The following GALNT2 variants were observed in gnomAD, a reference collection of about 807,000 sequenced individuals.
GALNT2 encodes UDP-GalNAc:polypeptide N-acetylgalactosaminyltransferase 2.
GALNT2 carries 31 observed loss-of-function variants against 81.4 expected under a neutral mutation model. The ratio of observed to expected loss-of-function variants is 0.38; its 90% CI spans 0.29 to 0.51. GALNT2 has a LOEUF of 0.51. Ranked by LOEUF, GALNT2 falls within the 20% of genes least tolerant of loss-of-function variation. GALNT2 has a pLI of 0.87. For synonymous variants in GALNT2, 303 were observed against 287.4 expected, an observed-to-expected ratio of 1.05 and a Z score of -0.55; for missense variants, 629 against 765.7, an observed-to-expected ratio of 0.82 and a Z score of 2.11.
At chr1:230,106,334 C>T (rs997635662) in intron 1 of GALNT2, among the ~76,000 whole-genome samples, 2 of 152,170 alleles carry the variant, frequency 1.3e-5, no homozygotes, top group African/African-American at 4.8e-5. Flanking sequence ...AGATGACAGG[C>T]TTAGTGCCTG....
intron 1 of GALNT2, among the ~76,000 whole-genome samples, chr1:230,153,101 T>A (rs1320748981): frequency 1.3e-5 from 2 of 152,250 alleles, no homozygotes; most frequent in African/African-American, 2.4e-5. Context: ...TCTTACCGTG[T>A]TGTCCAGGCT....
chr1:230,100,407 A>G (rs1474871301), intron 1 of GALNT2, among the ~76,000 whole-genome samples: 3 of 143,570 alleles, frequency 2.1e-5, no homozygotes, highest in South Asian at 2.2e-4. Flanking sequence ...GCTCACTGCA[A>G]ACTCCGCCTC....
At position 230,222,031 on chromosome 1, in the gene GALNT2, C is replaced by CTTTTTTTTTTTTTTTTTTTTTTTTTT. The variant is rs564681409; in HGVS notation, c.375-13970_375-13969insTTTTTTTTTTTTTTTTTTTTTTTTTT. ...TTTATATACATTTCACTGCTTTTCT[C>CTTTTTTTTTTTTTTTTTTTTTTTTTT]TTTTTTTTTTTTTGAGACAGAGTCT... On this transcript the variant is annotated intron_variant, in intron 3 of 15. Coordinates refer to ENST00000366672, the MANE Select transcript of GALNT2 (RefSeq NM_004481.5). Among the ~76,000 whole-genome samples the CTTTTTTTTTTTTTTTTTTTTTTTTTT allele has an allele frequency of 2.7e-3, 255 of 96,086 alleles. 51 individuals are homozygous for CTTTTTTTTTTTTTTTTTTTTTTTTTT. The highest frequency in any genetic ancestry group is 3.6e-3 in the African/African-American group (70 of 19,564). 63.0% of individuals were successfully genotyped at this position (96,086 alleles called of 152,430 possible).
At position 230,239,632 on chromosome 1, in the gene GALNT2, A is replaced by G. The variant is rs562393899; in HGVS notation, c.607+2907A>G. ...AGCTGATTAGATTGTGCCCACCCAGATTGAGGGTAGTTCATTTACATGTGG... is the reference window on the plus strand; with the variant it reads ...AGCTGATTAGATTGTGCCCACCCAGGTTGAGGGTAGTTCATTTACATGTGG... On this transcript the variant is annotated intron_variant, in intron 6 of 15. Coordinates refer to ENST00000366672, the MANE Select transcript of GALNT2 (RefSeq NM_004481.5). 7.2e-5 allele frequency among the ~76,000 whole-genome samples: 11 copies of G among 152,272 alleles called. No individual in the cohort carries two copies. The South Asian group carries it at 2.3e-3, about 32-fold the overall frequency.
intron 2 of GALNT2, among the ~76,000 whole-genome samples, chr1:230,179,952 C>T (rs1028650243): frequency 9.2e-5 from 14 of 152,210 alleles, no homozygotes; most frequent in African/African-American, 3.4e-4. Context: ...CAGAGTCTCA[C>T]TCTGTTGCCC....
Position 230,128,257 on chromosome 1 carries a change from A to ATGTGTGTGTG in GALNT2, c.127-49950_127-49941dup, listed in dbSNP as rs59410758. On this transcript the variant is annotated intron_variant, in intron 1 of 15. Coordinates refer to ENST00000366672, the MANE Select transcript of GALNT2 (RefSeq NM_004481.5). ...CTTCTAAATGCAAGTGCGCTGGAGA[A>ATGTGTGTGTG]TGTGTGTGTGTGTGTGTGTGGTTAT... 8.8e-4 allele frequency among the ~76,000 whole-genome samples: 132 copies of ATGTGTGTGTG among 149,868 alleles called. No homozygotes were observed. The Middle Eastern group carries it at 0.01, about 12-fold the overall frequency.
intron 1 of GALNT2, among the ~76,000 whole-genome samples, chr1:230,171,880 G>A (rs74143109): frequency 6.6e-6 from 1 of 152,200 alleles, no homozygotes; most frequent in African/African-American, 2.4e-5. Flanking sequence ...CTGCTTTTGT[G>A]ACTCAATTCT....
At chr1:230,156,472 T>G (rs1487288572) in intron 1 of GALNT2, among the ~76,000 whole-genome samples, 1 of 152,178 alleles carries the variant, frequency 6.6e-6, no homozygotes, top group Non-Finnish European at 1.5e-5. Flanking sequence ...GACTCCTTTT[T>G]GCGTTTCTTT....
At chr1:230,211,093 G>T (rs548336412) in intron 3 of GALNT2, among the ~76,000 whole-genome samples, 5 of 152,198 alleles carry the variant, frequency 3.3e-5, no homozygotes, top group African/African-American at 1.2e-4. Context: ...CCCAGGCAGG[G>T]CTGGAGCTTT....
At chr1:230,156,701 G>A (rs1428585982) in intron 1 of GALNT2, among the ~76,000 whole-genome samples, 1 of 152,118 alleles carries the variant, frequency 6.6e-6, no homozygotes, top group East Asian at 1.9e-4. Context: ...AAGCAATGTG[G>A]AACTCGGGGC....
chr1:230,176,370 A>C (rs1379382565), intron 1 of GALNT2, among the ~76,000 whole-genome samples: 1 of 152,204 alleles, frequency 6.6e-6, no homozygotes, highest in African/African-American at 2.4e-5. Flanking sequence ...CATGTAGAAA[A>C]TATGCTAGAG....
chr1:230,097,488 C>T (rs886416879), intron 1 of GALNT2, among the ~76,000 whole-genome samples: 4 of 152,202 alleles, frequency 2.6e-5, no homozygotes, highest in African/African-American at 4.8e-5. Context: ...TTAGTGGAAT[C>T]ATACAGTATT....
At chr1:230,149,341 G>C (rs1437958902) in intron 1 of GALNT2, among the ~76,000 whole-genome samples, 1 of 152,218 alleles carries the variant, frequency 6.6e-6, no homozygotes, top group Non-Finnish European at 1.5e-5. Flanking sequence ...ACTGGGTTCA[G>C]GAACATCCCT....
intron 1 of GALNT2, among the ~76,000 whole-genome samples, chr1:230,159,596 T>C (rs1009850101): frequency 1.2e-4 from 18 of 152,180 alleles, no homozygotes; most frequent in Middle Eastern, 3.2e-3. Context: ...TGAGCCTACA[T>C]GGGGTAGGGG....
rs374645250 is a variant in GALNT2, at chr1:230,265,364, C to T, written c.1437C>T (p.Asn479=). ...GVYECHNAGG[N]QEWALTKEKS... ...ATGAATGTCACAATGCTGGGGGAAA[C>T]CAGGTATGTGCATGGGGAAGCCAGG... The change falls in exon 14 of 16, where the codon AAC becomes AAT. Residue 479 remains asparagine (N), a synonymous_variant. Coordinates refer to ENST00000366672, the MANE Select transcript of GALNT2 (RefSeq NM_004481.5). 1 of 1,614,166 alleles carries T rather than the reference C, an allele frequency of 6.2e-7. No individual in the cohort carries two copies. The highest frequency in any genetic ancestry group is 8.5e-7 in the Non-Finnish European group (1 of 1,180,030).
chr1:230,233,166 T>C (rs1664919868), intron 3 of GALNT2, among the ~76,000 whole-genome samples: 1 of 152,246 alleles, frequency 6.6e-6, no homozygotes, highest in South Asian at 2.1e-4. Context: ...ACTTTAGTTC[T>C]TAACTCCTTA....
At chr1:230,272,164 A>T (rs1230592613) in intron 14 of GALNT2, among the ~76,000 whole-genome samples, 1 of 152,168 alleles carries the variant, frequency 6.6e-6, no homozygotes, top group Non-Finnish European at 1.5e-5. Flanking sequence ...TATTTTTATG[A>T]TGTCACACTG....
intron 1 of GALNT2, among the ~76,000 whole-genome samples, chr1:230,061,844 T>C (rs535260547): frequency 1.3e-5 from 2 of 152,356 alleles, no homozygotes; most frequent in African/African-American, 2.4e-5. Flanking sequence ...CATGGAGTGC[T>C]TTCCAGTGAA....
At chr1:230,265,074 C>T (rs934024744) in intron 13 of GALNT2, 167 bp from the exon 14 acceptor site, 10 of 733,436 alleles carry the variant, frequency 1.4e-5, no homozygotes, top group Admixed American at 7.7e-5. Context: ...GGAGAAATGC[C>T]GTGTCCCTGA....
Sources: gnomAD v4.1 joint callset for allele counts (sites outside exome capture counted in the v4.1 genomes callset) on GRCh38, gnomAD v4.1.1 for gene constraint, MANE v1.5 for transcripts, NCBI Gene and HGNC (gene_info 2026-07-23, HGNC 2026-07-21) for gene names.